The following CPNE8 variants were observed in gnomAD, a reference collection of about 807,000 sequenced individuals.
CPNE8 encodes copine 8, also known as copine-8.
CPNE8 carries 45 observed loss-of-function variants against 81.5 expected under a neutral mutation model. That is an observed-to-expected ratio of 0.55 (90% CI 0.44 to 0.71). The LOEUF (loss-of-function observed/expected upper bound fraction) is 0.71, where lower values mean the gene tolerates loss of function less well. Ranked by LOEUF, CPNE8 falls within the 30% of genes least tolerant of loss-of-function variation. CPNE8 has a pLI of 0.00. For synonymous variants in CPNE8, 252 were observed against 226.3 expected, an observed-to-expected ratio of 1.11 and a Z score of -1.02; for missense variants, 594 against 672.1, an observed-to-expected ratio of 0.88 and a Z score of 1.28.
At chr12:38,682,103 C>G (rs1939422417) in intron 16 of CPNE8, among the ~76,000 whole-genome samples, 1 of 152,080 alleles carries the variant, frequency 6.6e-6, no homozygotes, top group South Asian at 2.1e-4. Flanking sequence ...ACCAGTATTC[C>G]CAGCTACTCG....
intron 4 of CPNE8, among the ~76,000 whole-genome samples, chr12:38,847,055 A>C (rs1185145739): frequency 2.0e-5 from 3 of 152,158 alleles, no homozygotes; most frequent in Admixed American, 6.6e-5. Context: ...TTAAAGAAAA[A>C]AAAAATCCCA....
intron 6 of CPNE8, among the ~76,000 whole-genome samples, chr12:38,802,963 G>A (rs1229683727): frequency 6.8e-6 from 1 of 146,040 alleles, no homozygotes; most frequent in African/African-American, 2.6e-5. Context: ...CCAGGAAGAA[G>A]TTGAATCTCT....
At chr12:38,693,889 T>A in intron 14 of CPNE8, 51 bp from the exon 15 acceptor site, 2 of 1,429,160 alleles carry the variant, frequency 1.4e-6, no homozygotes, top group Non-Finnish European at 1.9e-6. Flanking sequence ...TAAATAAATT[T>A]AACAAAATTT....
chr12:38,704,681 T>C (rs1338415627), intron 13 of CPNE8, among the ~76,000 whole-genome samples: 4 of 151,688 alleles, frequency 2.6e-5, no homozygotes, highest in African/African-American at 9.7e-5. Context: ...TGTGGCTGAT[T>C]GGGAGCTGTG....
chr12:38,670,532 A>G (rs1330284103), intron 19 of CPNE8, among the ~76,000 whole-genome samples, 197 bp downstream of exon 19: 1 of 152,154 alleles, frequency 6.6e-6, no homozygotes, highest in Admixed American at 6.6e-5. Context: ...GAAAATACAT[A>G]CAAAGTTTTT....
intron 1 of CPNE8, among the ~76,000 whole-genome samples, chr12:38,889,693 G>A (rs1944283721): frequency 6.6e-6 from 1 of 152,180 alleles, no homozygotes; most frequent in South Asian, 2.1e-4. Context: ...GGAGGAGAAG[G>A]TTGGCCAGAG....
At chr12:38,778,557 C>T (rs555595012) in intron 6 of CPNE8, among the ~76,000 whole-genome samples, 39 of 152,266 alleles carry the variant, frequency 2.6e-4, no homozygotes, top group African/African-American at 9.4e-4. Context: ...CTCAAACTTT[C>T]CATATCCCCA....
intron 18 of CPNE8, among the ~76,000 whole-genome samples, chr12:38,672,680 GAA>G (rs1177671161): frequency 6.6e-6 from 1 of 152,182 alleles, no homozygotes; most frequent in Non-Finnish European, 1.5e-5. Context: ...TAAGTATAAA[GAA>G]ATCTTGCTTT....
intron 6 of CPNE8, among the ~76,000 whole-genome samples, chr12:38,781,559 C>A (rs1401136004): frequency 3.3e-5 from 5 of 151,916 alleles, no homozygotes; most frequent in Non-Finnish European, 7.4e-5. Flanking sequence ...TGTGTAATGA[C>A]AAAACATTCA....
At chr12:38,744,654 C>T (rs1310315209) in intron 10 of CPNE8, among the ~76,000 whole-genome samples, 1 of 152,102 alleles carries the variant, frequency 6.6e-6, no homozygotes, top group African/African-American at 2.4e-5. Flanking sequence ...AATCTGAAGG[C>T]TCCACATTCT....
chr12:38,749,183 C>T (rs920269920), intron 10 of CPNE8, among the ~76,000 whole-genome samples: 3 of 152,128 alleles, frequency 2.0e-5, no homozygotes, highest in African/African-American at 7.2e-5. Context: ...GGGAGTCTCC[C>T]TGCACAAGTT....
At chr12:38,757,255 A>G (rs1439888769) in intron 10 of CPNE8, among the ~76,000 whole-genome samples, 1 of 152,046 alleles carries the variant, frequency 6.6e-6, no homozygotes, top group East Asian at 1.9e-4. Context: ...AAAATAAGTA[A>G]TAGGAAACAG....
At position 38,826,768 on chromosome 12, in the gene CPNE8, A is replaced by AT. The variant is rs537082203; in HGVS notation, c.407+2610dup. 1.6e-3 allele frequency among the ~76,000 whole-genome samples: 248 copies of AT among 152,214 alleles called. 2 individuals are homozygous for AT. Among genetic ancestry groups the AT allele is most frequent in the African/African-American group, 5.7e-3 (235 of 41,566 alleles). On this transcript the variant is annotated intron_variant, in intron 6 of 19. Transcript: ENST00000331366. ...TATAAATATGATTTTCCACTGGTAA[A>AT]TTTTTTATAACTTAATAATTTAATC...
At chr12:38,764,639 A>G (rs1374560067) in intron 8 of CPNE8, among the ~76,000 whole-genome samples, 1 of 149,136 alleles carries the variant, frequency 6.7e-6, no homozygotes, top group African/African-American at 2.4e-5. Context: ...AAAAAAAAAA[A>G]GAAAAAGTCA....
intron 10 of CPNE8, among the ~76,000 whole-genome samples, chr12:38,734,930 G>T (rs1024896167): frequency 3.3e-5 from 5 of 152,074 alleles, no homozygotes; most frequent in Admixed American, 6.6e-5. Context: ...TCTCATGCAG[G>T]TATGCTTAAT....
At chr12:38,697,794 T>C (rs1344200776) in intron 14 of CPNE8, among the ~76,000 whole-genome samples, 3 of 152,064 alleles carry the variant, frequency 2.0e-5, no homozygotes, top group Non-Finnish European at 4.4e-5. Context: ...AAAAGGAGCA[T>C]GGTACCTCCT....
chr12:38,697,307 T>C (rs965553510), intron 14 of CPNE8, among the ~76,000 whole-genome samples: 7 of 152,206 alleles, frequency 4.6e-5, no homozygotes, highest in Non-Finnish European at 7.3e-5. Context: ...ACTTAGCTTA[T>C]AGATCTCAAC....
intron 6 of CPNE8, among the ~76,000 whole-genome samples, chr12:38,797,755 T>A (rs1181244948): frequency 2.0e-5 from 3 of 152,054 alleles, no homozygotes; most frequent in Admixed American, 1.3e-4. Flanking sequence ...TACTCCGAGC[T>A]AAAGGAGGAA....
chr12:38,828,098 A>T lies in CPNE8; in HGVS notation c.407+1281T>A, dbSNP rs1011549484. 3.9e-5 allele frequency among the ~76,000 whole-genome samples: 6 copies of T among 152,202 alleles called. No individual in the cohort carries two copies. The East Asian group carries it at 9.6e-4, about 24-fold the overall frequency. On this transcript the variant is annotated intron_variant, in intron 6 of 19. Coordinates refer to ENST00000331366, the MANE Select transcript of CPNE8 (RefSeq NM_153634.3). ...TTTTCTCTTGAAGAATGTTAAAGGC[A>T]TCTTTAAGGTGGTATTGCATATATT...
Sources: gnomAD v4.1 joint callset for allele counts (sites outside exome capture counted in the v4.1 genomes callset) on GRCh38, gnomAD v4.1.1 for gene constraint, MANE v1.5 for transcripts, NCBI Gene and HGNC (gene_info 2026-07-23, HGNC 2026-07-21) for gene names.